Variants in C3orf33 observed in about 807,000 individuals in gnomAD.
The protein encoded by C3orf33 is mitochondrial inner membrane subdomain organizer 1, also known as AP-1 activity suppressor.
In C3orf33, 23 loss-of-function variants were observed where a neutral mutation model predicts 28.7. The ratio of observed to expected loss-of-function variants is 0.80; its 90% CI spans 0.58 to 1.13. C3orf33 has a LOEUF of 1.13. Ranked by LOEUF, C3orf33 falls within the 50% of genes most tolerant of loss-of-function variation. C3orf33 has a pLI of 0.00. For missense variants in C3orf33, 327 were observed against 353.4 expected (o/e 0.93, Z 0.60); for synonymous variants, 119 against 120.5 (o/e 0.99, Z 0.08).
intron 3 of C3orf33, among the ~76,000 whole-genome samples, chr3:155,770,970 G>GTGTA (rs143519978): frequency 6.8e-6 from 1 of 147,128 alleles, no homozygotes; most frequent in East Asian, 2.0e-4. Context: ...CACTGTGTGT[G>GTGTA]TGTGTGTGTG....
chr3:155,802,649 C>G, intron 1 of C3orf33, 58 bp from the exon 2 acceptor site: 1 of 1,291,832 alleles, frequency 7.7e-7, no homozygotes, highest in South Asian at 1.3e-5. Context: ...ATAATGAAAG[C>G]ACTAATTAGA....
At chr3:155,783,653 G>A (rs1354429866) in intron 2 of C3orf33, among the ~76,000 whole-genome samples, 1 of 151,970 alleles carries the variant, frequency 6.6e-6, no homozygotes, top group African/African-American at 2.4e-5. Context: ...TTGTAGTAGA[G>A]ACAGGGTTTC....
intron 2 of C3orf33, among the ~76,000 whole-genome samples, chr3:155,780,532 T>C (rs562871119): frequency 1.3e-5 from 2 of 152,366 alleles, no homozygotes; most frequent in East Asian, 3.9e-4. Flanking sequence ...CTTTTATTTT[T>C]TAAATATAAA....
Position 155,763,852 on chromosome 3 carries a change from CA to C in C3orf33, c.549del (p.Val184LeufsTer23), listed in dbSNP as rs1559985858. ...ILRRGLGKTVLVKGLKYDSKI... is the reference protein window; with the variant it reads ...ILRRGLGKTVXVKGLKYDSKI... ...TTAGAATCATATTTAAGCCCTTTAA[CA>C]AGAACAGTTTTGCCAAGGCCTCTTC... is the stretch of plus-strand genomic sequence containing the variant. On this transcript the variant is annotated frameshift_variant, in exon 5 of 5. Coordinates refer to ENST00000340171, the MANE Select transcript of C3orf33 (RefSeq NM_001308229.2). LOFTEE classifies it high-confidence loss of function. 3.2e-6 allele frequency: 5 copies of C among 1,545,126 alleles called. No homozygotes were observed. The highest frequency in any genetic ancestry group is 3.5e-6 in the Non-Finnish European group (4 of 1,153,072).
chr3:155,800,658 G>T, intron 2 of C3orf33, among the ~76,000 whole-genome samples: 1 of 103,310 alleles, frequency 9.7e-6, no homozygotes, highest in African/African-American at 3.2e-5. Context: ...ATACAGAATG[G>T]ATGTGAGAAA....
At chr3:155,786,132 G>T (rs1439606443) in intron 2 of C3orf33, among the ~76,000 whole-genome samples, 1 of 151,536 alleles carries the variant, frequency 6.6e-6, no homozygotes, top group Non-Finnish European at 1.5e-5. Context: ...AGAAAGGGAA[G>T]GGGAGGGAGA....
At chr3:155,787,615 G>A (rs1305668476) in intron 2 of C3orf33, among the ~76,000 whole-genome samples, 1 of 151,672 alleles carries the variant, frequency 6.6e-6, no homozygotes, top group African/African-American at 2.4e-5. Flanking sequence ...GCCTCCCAAA[G>A]TGCTATGATT....
At chr3:155,805,765 C>T (rs913164747) in intron 1 of C3orf33, 2 of 487,708 alleles carry the variant, frequency 4.1e-6, no homozygotes, top group Non-Finnish European at 7.9e-6. Flanking sequence ...TAGAAATGCT[C>T]TCTCCCAAGG....
intron 3 of C3orf33, among the ~76,000 whole-genome samples, chr3:155,771,357 C>T (rs941364904): frequency 4.6e-5 from 7 of 152,310 alleles, no homozygotes; most frequent in African/African-American, 1.7e-4. Flanking sequence ...TCTTGACTCA[C>T]TGCAACCTCT....
At chr3:155,781,045 C>T (rs901458385) in intron 2 of C3orf33, among the ~76,000 whole-genome samples, 5 of 148,648 alleles carry the variant, frequency 3.4e-5, no homozygotes, top group African/African-American at 1.0e-4. Flanking sequence ...GGTGGGACTG[C>T]GGACTGCAGT....
chr3:155,779,783 T>A (rs1032256345), intron 2 of C3orf33, among the ~76,000 whole-genome samples: 1 of 152,196 alleles, frequency 6.6e-6, no homozygotes, highest in African/African-American at 2.4e-5. Flanking sequence ...GCATCCTTTT[T>A]AATTCTGGTG....
At chr3:155,778,253 G>GA (rs1284768112) in intron 2 of C3orf33, among the ~76,000 whole-genome samples, 1 of 151,694 alleles carries the variant, frequency 6.6e-6, no homozygotes, top group African/African-American at 2.4e-5. Context: ...GTTGGATTGG[G>GA]AAAAAAACAA....
chr3:155,803,246 C>T (rs1490346492), intron 1 of C3orf33, among the ~76,000 whole-genome samples: 1 of 152,076 alleles, frequency 6.6e-6, no homozygotes, highest in Non-Finnish European at 1.5e-5. Flanking sequence ...ACACACTTTC[C>T]TTCCATCAAT....
At chr3:155,767,210 C>T (rs1267143433) in intron 4 of C3orf33, among the ~76,000 whole-genome samples, 1 of 152,062 alleles carries the variant, frequency 6.6e-6, no homozygotes, top group Non-Finnish European at 1.5e-5. Context: ...CGAGATCGTG[C>T]CACTGCACTC....
At chr3:155,803,168 G>A (rs961874665) in intron 1 of C3orf33, among the ~76,000 whole-genome samples, 1 of 152,086 alleles carries the variant, frequency 6.6e-6, no homozygotes, top group African/African-American at 2.4e-5. Context: ...ATTTAAACTG[G>A]GGTAGGCCTA....
chr3:155,764,741 A>G (rs888638390), intron 4 of C3orf33, among the ~76,000 whole-genome samples: 4 of 151,966 alleles, frequency 2.6e-5, no homozygotes, highest in Non-Finnish European at 4.4e-5. Flanking sequence ...CTGTAATCCC[A>G]GCCACTCAGA....
intron 2 of C3orf33, among the ~76,000 whole-genome samples, chr3:155,784,725 C>CAAAAA (rs1192957696): frequency 7.0e-6 from 1 of 143,546 alleles, no homozygotes. Context: ...GACTCTGTCT[C>CAAAAA]AAAAAAAATA....
chr3:155,790,308 G>T (rs1165022471), intron 2 of C3orf33, among the ~76,000 whole-genome samples: 2 of 146,678 alleles, frequency 1.4e-5, no homozygotes, highest in Non-Finnish European at 3.0e-5. Context: ...AAACTCAAGA[G>T]CTAAAACTAT....
intron 1 of C3orf33, chr3:155,805,750 A>G (rs1220396681): frequency 2.2e-6 from 1 of 458,050 alleles, no homozygotes; most frequent in African/African-American, 2.0e-5. Flanking sequence ...AAAATAAATA[A>G]AAATTAGAAA....
Sources: allele counts gnomAD v4.1 joint callset (sites outside exome capture counted in the v4.1 genomes callset), GRCh38; gene constraint gnomAD v4.1.1; transcripts MANE v1.5; gene names NCBI Gene and HGNC (gene_info 2026-07-23, HGNC 2026-07-21).